Variants in TTLL9 observed in about 807,000 individuals in gnomAD.
TTLL9 encodes tubulin tyrosine ligase like 9.
In TTLL9, 47 loss-of-function variants were observed where a neutral mutation model predicts 65.6. The ratio of observed to expected loss-of-function variants is 0.72; its 90% confidence interval spans 0.57 to 0.91. The LOEUF (loss-of-function observed/expected upper bound fraction) is 0.91, where lower values mean the gene tolerates loss of function less well. TTLL9 is among the 40% of genes least tolerant of loss of function. The pLI, the probability that TTLL9 is intolerant of heterozygous loss-of-function variation, is 0.00. For missense variants in TTLL9, 537 were observed against 568.8 expected (o/e 0.94, Z 0.57); for synonymous variants, 179 against 204.8 (o/e 0.87, Z 1.07).
At chr20:31,889,191 CAA>C (rs2063244725) in intron 3 of TTLL9, among the ~76,000 whole-genome samples, 1 of 152,152 alleles carries the variant, frequency 6.6e-6, no homozygotes, top group South Asian at 2.1e-4. Context: ...ATTTTATTCA[CAA>C]AGAGTGAAGA....
intron 3 of TTLL9, among the ~76,000 whole-genome samples, chr20:31,891,170 G>A (rs1297589142): frequency 6.6e-6 from 1 of 152,134 alleles, no homozygotes; most frequent in African/African-American, 2.4e-5. Context: ...TACCAGCAGA[G>A]GAGGAGTTTC....
At chr20:31,925,850 C>G (rs1357310392) in intron 9 of TTLL9, 199 bp from the exon 10 acceptor site, 1 of 1,548,766 alleles carries the variant, frequency 6.5e-7, no homozygotes, top group Non-Finnish European at 8.7e-7. Context: ...CCTTCTCTCT[C>G]TCTCTTCCCA....
intron 8 of TTLL9, among the ~76,000 whole-genome samples, chr20:31,924,796 TG>T (rs2063870791): frequency 6.6e-6 from 1 of 152,040 alleles, no homozygotes; most frequent in Admixed American, 6.6e-5. Flanking sequence ...AGGCTGGTCT[TG>T]GATTCCTGGC....
At chr20:31,932,719 T>C (rs1373264409) in intron 10 of TTLL9, among the ~76,000 whole-genome samples, 1 of 152,058 alleles carries the variant, frequency 6.6e-6, no homozygotes, top group Non-Finnish European at 1.5e-5. Context: ...GGTTTGGTAC[T>C]GGGTGTGGTG....
At chr20:31,890,022 CTTT>C (rs1568752138) in intron 3 of TTLL9, among the ~76,000 whole-genome samples, 25 of 145,044 alleles carry the variant, frequency 1.7e-4, no homozygotes, top group African/African-American at 3.7e-4. Flanking sequence ...TTCTTTCTTT[CTTT>C]CTTTCTTTCC....
At chr20:31,897,849 C>T (rs2063408337) in intron 3 of TTLL9, among the ~76,000 whole-genome samples, 1 of 152,184 alleles carries the variant, frequency 6.6e-6, no homozygotes, top group African/African-American at 2.4e-5. Context: ...TTGCCCAAGT[C>T]CTCTGTCTGG....
chr20:31,882,836 T>C (rs2063137723), intron 2 of TTLL9, among the ~76,000 whole-genome samples: 1 of 152,192 alleles, frequency 6.6e-6, no homozygotes, highest in African/African-American at 2.4e-5. Flanking sequence ...CTTTGAACTG[T>C]ATAGCTGACC....
intron 2 of TTLL9, among the ~76,000 whole-genome samples, chr20:31,873,824 G>GAAAGAAAGAAAGAA (rs1555800220): frequency 0.021 from 933 of 44,220 alleles, 13 homozygotes; most frequent in Middle Eastern, 0.041. Flanking sequence ...AAGGAAGGAA[G>GAAAGAAAGAAAGAA]AAAGAAAGAA....
rs116432251 is a variant in TTLL9, at chr20:31,887,794, G to C, written c.113+555G>C. On this transcript the variant is annotated intron_variant, in intron 3 of 14. Coordinates refer to ENST00000535842, the MANE Select transcript of TTLL9 (RefSeq NM_001008409.5). ...AAGATTTTTGTGGGGAGTTAGAGGA[G>C]GTAGTTTACATAGCAAATGTTTTAG... 4.2e-3 allele frequency among the ~76,000 whole-genome samples: 644 copies of C among 152,134 alleles called. 6 individuals are homozygous for C. The highest frequency in any genetic ancestry group is 0.015 in the African/African-American group (612 of 41,484).
chr20:31,917,014 G>A (rs1202467976), intron 6 of TTLL9, among the ~76,000 whole-genome samples: 1 of 152,176 alleles, frequency 6.6e-6, no homozygotes, highest in Non-Finnish European at 1.5e-5. Flanking sequence ...TGGCCATAGG[G>A]AAGGCAGCCA....
intron 4 of TTLL9, among the ~76,000 whole-genome samples, chr20:31,902,084 T>C (rs534675536): frequency 1.3e-5 from 2 of 150,812 alleles, no homozygotes; most frequent in East Asian, 3.9e-4. Flanking sequence ...TTTAGCATAT[T>C]CACAAAGTTG....
intron 10 of TTLL9, among the ~76,000 whole-genome samples, chr20:31,929,631 G>A (rs2063970993): frequency 6.6e-6 from 1 of 151,760 alleles, no homozygotes; most frequent in African/African-American, 2.4e-5. Flanking sequence ...CACTGAGTAG[G>A]TTTCCTGGTT....
chr20:31,943,951 G>C lies in TTLL9; in HGVS notation c.*930G>C, dbSNP rs966143022. Reference sequence around the variant, plus strand: ...CTGTTGGGGTAACTGTTCCAGGGGGGACTTACTCCCTCTACCACTCCGCCT... The same window carrying C: ...CTGTTGGGGTAACTGTTCCAGGGGGCACTTACTCCCTCTACCACTCCGCCT... On this transcript the variant is annotated 3_prime_UTR_variant, in exon 15 of 15. Coordinates refer to ENST00000535842, the MANE Select transcript of TTLL9 (RefSeq NM_001008409.5). 1 of 405,590 alleles carries C rather than the reference G, an allele frequency of 2.5e-6. No homozygotes were observed. Among genetic ancestry groups the C allele is most frequent in the African/African-American group, 2.1e-5 (1 of 48,638 alleles). 25.1% of individuals were successfully genotyped at this position (405,590 alleles called of 1,614,324 possible). A position where few individuals can be genotyped will look rare whatever the true frequency, so the allele number is the denominator to read the frequency against.
chr20:31,932,573 A>G (rs1326389636), intron 10 of TTLL9, among the ~76,000 whole-genome samples: 3 of 152,106 alleles, frequency 2.0e-5, no homozygotes, highest in Non-Finnish European at 4.4e-5. Flanking sequence ...ACTCTGTTCA[A>G]TACACCACAG....
Position 31,919,996 on chromosome 20 carries a change from A to G in TTLL9, c.573+64A>G, listed in dbSNP as rs2123554050. The G allele has an allele frequency of 7.3e-6, 10 of 1,369,184 alleles. No individual in the cohort carries two copies. In the South Asian group the frequency reaches 9.1e-5, roughly 13 times the overall value. The allele number at this position is 1,369,184 out of a possible 1,614,324, so 84.8% of individuals were successfully genotyped here. On this transcript the variant is annotated intron_variant, in intron 7 of 14. Transcript: ENST00000535842. Reference sequence around the variant, plus strand: ...TCTGACCTTGCCAGCAGGAGGGGCCACTCCTTCCTGCAATCAAAGCTCAGA... The same window carrying G: ...TCTGACCTTGCCAGCAGGAGGGGCCGCTCCTTCCTGCAATCAAAGCTCAGA...
chr20:31,930,840 G>A (rs771807976), intron 10 of TTLL9, among the ~76,000 whole-genome samples: 14 of 152,100 alleles, frequency 9.2e-5, no homozygotes, highest in Non-Finnish European at 2.1e-4. Context: ...GGTCCACTGA[G>A]ACCTGGTTTT....
intron 6 of TTLL9, among the ~76,000 whole-genome samples, chr20:31,918,108 G>A (rs2063763999): frequency 6.6e-6 from 1 of 151,852 alleles, no homozygotes; most frequent in Non-Finnish European, 1.5e-5. Flanking sequence ...TTGTATGAGG[G>A]CGAAGTTTGG....
chr20:31,931,226 C>T (rs375999676), intron 10 of TTLL9, among the ~76,000 whole-genome samples: 2 of 151,934 alleles, frequency 1.3e-5, no homozygotes, highest in South Asian at 4.2e-4. Context: ...ACCACAGGCA[C>T]GCACCACCAT....
intron 14 of TTLL9, among the ~76,000 whole-genome samples, chr20:31,941,726 ATTTTAT>A (rs1394406086): frequency 6.6e-6 from 1 of 152,036 alleles, no homozygotes; most frequent in African/African-American, 2.4e-5. Context: ...CACCTGGCTA[ATTTTAT>A]TTTTGTGTGT....
Sources: allele counts gnomAD v4.1 joint callset (sites outside exome capture counted in the v4.1 genomes callset), GRCh38; gene constraint gnomAD v4.1.1; transcripts MANE v1.5; gene names NCBI Gene and HGNC (gene_info 2026-07-23, HGNC 2026-07-21).